Variants in NCAM2 observed in about 807,000 individuals in gnomAD.
NCAM2 encodes the protein neural cell adhesion molecule 2, also known as N-CAM-2.
In NCAM2, 30 loss-of-function variants were observed where a neutral mutation model predicts 98.1. The ratio of observed to expected loss-of-function variants is 0.31; its 90% CI spans 0.23 to 0.41. NCAM2 has a LOEUF of 0.41. Among genes scored for constraint, NCAM2 ranks in the 10% least tolerant of loss-of-function variants. The pLI, the probability that NCAM2 is intolerant of heterozygous loss-of-function variation, is 1.00. For missense variants in NCAM2, 867 were observed against 1,005.8 expected (o/e 0.86, Z 1.87); for synonymous variants, 368 against 342.4 (o/e 1.07, Z -0.83).
chr21:21,015,475 C>T (rs979808974), intron 1 of NCAM2, among the ~76,000 whole-genome samples: 6 of 152,138 alleles, frequency 3.9e-5, no homozygotes, highest in Non-Finnish European at 7.4e-5. Context: ...CTTAGATGAT[C>T]CTTCACTCTT....
chr21:21,090,859 T>G (rs2065998485), intron 1 of NCAM2, among the ~76,000 whole-genome samples: 2 of 152,180 alleles, frequency 1.3e-5, no homozygotes, highest in Non-Finnish European at 2.9e-5. Context: ...CCCAATCTGT[T>G]TCTCAAATGT....
At chr21:21,283,371 G>T (rs1289191073) in intron 2 of NCAM2, among the ~76,000 whole-genome samples, 1 of 151,764 alleles carries the variant, frequency 6.6e-6, no homozygotes, top group East Asian at 1.9e-4. Flanking sequence ...GAAGTAATTA[G>T]GTGAAATACA....
Position 21,397,447 on chromosome 21 carries a change from C to T in NCAM2, c.1196-12827C>T, listed in dbSNP as rs1254369598. Among the ~76,000 whole-genome samples, 3 of 152,164 alleles carry T rather than the reference C, an allele frequency of 2.0e-5. No individual in the cohort carries two copies. The East Asian group carries it at 5.8e-4, about 29-fold the overall frequency. ...TTCCCTCAGCCTCCCTCCTATGCTC[C>T]TAGGTGCCCAATGTCCAGAGGGGGT... is the stretch of plus-strand genomic sequence containing the variant. On this transcript the variant is annotated intron_variant, in intron 9 of 17. Coordinates refer to ENST00000400546, the MANE Select transcript of NCAM2 (RefSeq NM_004540.5).
At chr21:21,494,319 T>C (rs1987060317) in intron 15 of NCAM2, among the ~76,000 whole-genome samples, 1 of 151,926 alleles carries the variant, frequency 6.6e-6, no homozygotes, top group Non-Finnish European at 1.5e-5. Context: ...ATTTTGTTTG[T>C]ACAATGAAAA....
intron 1 of NCAM2, among the ~76,000 whole-genome samples, chr21:21,099,939 G>A (rs1035217070): frequency 2.0e-5 from 3 of 151,752 alleles, no homozygotes; most frequent in African/African-American, 4.8e-5. Context: ...CTATTGATCA[G>A]CACAGATCAA....
chr21:21,366,679 T>G (rs2075794506), intron 8 of NCAM2, among the ~76,000 whole-genome samples: 1 of 151,940 alleles, frequency 6.6e-6, no homozygotes, highest in Non-Finnish European at 1.5e-5. Context: ...CCATCTGGGG[T>G]GTGATGTTTG....
At chr21:21,451,900 A>G (rs1365522834) in intron 12 of NCAM2, among the ~76,000 whole-genome samples, 1 of 152,040 alleles carries the variant, frequency 6.6e-6, no homozygotes, top group Non-Finnish European at 1.5e-5. Context: ...TTTTCTGTCC[A>G]TGGTAGTGTT....
At chr21:21,385,371 AACACACACAC>A (rs543136137) in intron 9 of NCAM2, among the ~76,000 whole-genome samples, 3 of 110,158 alleles carry the variant, frequency 2.7e-5, no homozygotes, top group East Asian at 4.6e-4. Flanking sequence ...CACAATGTTA[AACACACACAC>A]ACACACACAC....
At chr21:21,291,085 G>A (rs2073274746) in intron 4 of NCAM2, among the ~76,000 whole-genome samples, 1 of 151,756 alleles carries the variant, frequency 6.6e-6, no homozygotes, top group African/African-American at 2.4e-5. Flanking sequence ...GTTAGAGGCT[G>A]GGTACCTTAA....
At chr21:21,111,068 T>A (rs2066444910) in intron 1 of NCAM2, among the ~76,000 whole-genome samples, 1 of 152,146 alleles carries the variant, frequency 6.6e-6, no homozygotes, top group African/African-American at 2.4e-5. Flanking sequence ...TTAATTCTTC[T>A]TAGAGTACAG....
intron 6 of NCAM2, among the ~76,000 whole-genome samples, chr21:21,325,896 C>T (rs918155539): frequency 6.6e-6 from 1 of 152,122 alleles, no homozygotes; most frequent in Non-Finnish European, 1.5e-5. Context: ...TCTTAAACTT[C>T]AAGCTTATGC....
chr21:21,266,207 G>A (rs927752925), intron 1 of NCAM2, among the ~76,000 whole-genome samples: 3 of 152,044 alleles, frequency 2.0e-5, no homozygotes, highest in African/African-American at 7.2e-5. Context: ...GGGGAGTAGA[G>A]TTGCATCTTT....
intron 9 of NCAM2, among the ~76,000 whole-genome samples, chr21:21,404,292 C>T (rs1437319079): frequency 6.6e-6 from 1 of 152,042 alleles, no homozygotes; most frequent in African/African-American, 2.4e-5. Flanking sequence ...TTGGCTGTGT[C>T]CCCACCCAAA....
intron 16 of NCAM2, among the ~76,000 whole-genome samples, chr21:21,529,628 A>T (rs1989513171): frequency 6.6e-6 from 1 of 151,990 alleles, no homozygotes; most frequent in Non-Finnish European, 1.5e-5. Flanking sequence ...ATTGCATGAA[A>T]TCCTTACATT....
chr21:21,209,384 T>A (rs1243338684), intron 1 of NCAM2, among the ~76,000 whole-genome samples: 1 of 152,122 alleles, frequency 6.6e-6, no homozygotes, highest in Non-Finnish European at 1.5e-5. Flanking sequence ...CCCAGTTAAT[T>A]TATTTATTTT....
intron 1 of NCAM2, among the ~76,000 whole-genome samples, chr21:21,242,432 C>T (rs183585129): frequency 2.3e-4 from 35 of 152,242 alleles, no homozygotes; most frequent in Admixed American, 1.9e-3. Flanking sequence ...ATTGATAAAG[C>T]TTATTCCTCA....
chr21:21,344,770 G>T (rs2075142519), intron 8 of NCAM2, among the ~76,000 whole-genome samples: 1 of 152,120 alleles, frequency 6.6e-6, no homozygotes, highest in Non-Finnish European at 1.5e-5. Context: ...GAGCCCTAAA[G>T]CCTTGAGCGA....
At chr21:21,071,947 C>CT (rs201058829) in intron 1 of NCAM2, among the ~76,000 whole-genome samples, 16,792 of 151,236 alleles carry the variant, frequency 0.11, 1,380 homozygotes, top group Non-Finnish European at 0.15. Flanking sequence ...GAGTGTTGCT[C>CT]TGTTGCCCAG....
At chr21:21,044,190 A>G (rs1180282566) in intron 1 of NCAM2, among the ~76,000 whole-genome samples, 3 of 152,216 alleles carry the variant, frequency 2.0e-5, no homozygotes, top group Non-Finnish European at 2.9e-5. Context: ...CTTTAAAAGT[A>G]TCTTATTGCA....
Sources: allele counts gnomAD v4.1 joint callset (sites outside exome capture counted in the v4.1 genomes callset), GRCh38; gene constraint gnomAD v4.1.1; transcripts MANE v1.5; gene names NCBI Gene and HGNC (gene_info 2026-07-23, HGNC 2026-07-21).